Variants in RGL1 observed in about 807,000 individuals in gnomAD.
The protein encoded by RGL1 is ral guanine nucleotide dissociation stimulator-like 1.
Under a neutral mutation model 95.2 loss-of-function variants are expected in RGL1, and 24 were observed. The ratio of observed to expected loss-of-function variants is 0.25; its 90% CI spans 0.18 to 0.35. RGL1 has a LOEUF of 0.35. RGL1 is among the 10% of genes least tolerant of loss of function. The probability of loss-of-function intolerance (pLI) is 1.00; values close to 1 mark genes in which losing one functional copy is unlikely to be tolerated. For synonymous variants in RGL1, 329 were observed against 344.9 expected, an observed-to-expected ratio of 0.95 and a Z score of 0.51; for missense variants, 715 against 936.3, an observed-to-expected ratio of 0.76 and a Z score of 3.08.
rs998035996 is a variant in RGL1, at chr1:183,675,293, G to T, written c.-33+38792G>T. Among the ~76,000 whole-genome samples, 33 of 146,504 alleles carry T rather than the reference G, an allele frequency of 2.3e-4. 1 individual carries two copies. Among genetic ancestry groups the T allele is most frequent in the Admixed American group, 1.3e-3 (19 of 14,668 alleles). On this transcript the variant is annotated intron_variant, in intron 1 of 18. Transcript: ENST00000304685. ...ATAGGAAACATTTCAATTCTATATGGTTTTTTTTTTTCTCTTTGTTTTCTT... is the reference window on the plus strand; with the variant it reads ...ATAGGAAACATTTCAATTCTATATGTTTTTTTTTTTTCTCTTTGTTTTCTT...
chr1:183,689,641 G>A (rs945597119), intron 1 of RGL1, among the ~76,000 whole-genome samples: 16 of 152,168 alleles, frequency 1.1e-4, no homozygotes, highest in African/African-American at 3.4e-4. Flanking sequence ...TTGACATATA[G>A]TAAGAACTTA....
intron 2 of RGL1, among the ~76,000 whole-genome samples, chr1:183,773,109 C>T (rs113518188): frequency 6.6e-6 from 1 of 151,230 alleles, no homozygotes; most frequent in South Asian, 2.1e-4. Flanking sequence ...TCTCACAACA[C>T]CTAGCTCTTA....
chr1:183,915,414 T>A (rs145679825), intron 15 of RGL1, among the ~76,000 whole-genome samples: 87 of 152,366 alleles, frequency 5.7e-4, no homozygotes, highest in African/African-American at 2.0e-3. Flanking sequence ...TTCCAATAAC[T>A]TCTTTCTTTG....
rs781176996 is a variant in RGL1 at position 183,922,243 on chromosome 1, C to T, written c.2026C>T (p.Pro676Ser). 4.3e-6 allele frequency: 7 copies of T among 1,614,074 alleles called. No individual in the cohort carries two copies. Among genetic ancestry groups the T allele is most frequent in the Admixed American group, 3.3e-5 (2 of 60,010 alleles). Reference sequence around the variant, plus strand: ...GCAGTTGACGAGCCAGGATAAAACCCCCGCTGTGATCCAGAGAGCCATGCT... The same window carrying T: ...GCAGTTGACGAGCCAGGATAAAACCTCCGCTGTGATCCAGAGAGCCATGCT... Reference protein sequence around the residue: ...SIMLTSQDKTPAVIQRAMLKH... With the variant: ...SIMLTSQDKTSAVIQRAMLKH... Residue 676 changes from proline to serine, a missense_variant, in exon 17 of 18, where the codon CCC (proline) becomes TCC (serine). By Grantham distance (74) the Pro-to-Ser change is moderately conservative (BLOSUM62 -1). This residue lies in a region of RGL1 where 330 missense variants were observed against 429.6 expected (regional missense o/e 0.77). Transcript: ENST00000360851.
chr1:183,905,337 T>G (rs1020411332), intron 13 of RGL1, among the ~76,000 whole-genome samples: 16 of 152,224 alleles, frequency 1.1e-4, no homozygotes, highest in Non-Finnish European at 1.6e-4. Flanking sequence ...TCACTGTGTT[T>G]GTCATTCCTG....
At chr1:183,835,073 T>A (rs1663543445) in intron 2 of RGL1, among the ~76,000 whole-genome samples, 3 of 152,190 alleles carry the variant, frequency 2.0e-5, no homozygotes, top group Non-Finnish European at 4.4e-5. Flanking sequence ...GGATAAATAT[T>A]TTCTTTTCAA....
Position 183,846,715 on chromosome 1 carries a change from C to T in RGL1, c.139-851C>T, listed in dbSNP as rs773779837. Among the ~76,000 whole-genome samples the T allele has an allele frequency of 3.3e-5, 5 of 151,750 alleles. No individual in the cohort carries two copies. The East Asian group carries it at 7.8e-4, about 24-fold the overall frequency. On this transcript the variant is annotated intron_variant, in intron 2 of 17. Coordinates refer to ENST00000360851, the MANE Select transcript of RGL1 (RefSeq NM_001297671.3). ...GCCAACATGGTGAAAACCTGTCTCTCCTAAAAATGCAAAAATTAGTCGGGT... is the reference window on the plus strand; with the variant it reads ...GCCAACATGGTGAAAACCTGTCTCTTCTAAAAATGCAAAAATTAGTCGGGT...
At chr1:183,763,552 ACAGTATCTGG>A (rs943919718) in intron 2 of RGL1, among the ~76,000 whole-genome samples, 9 of 152,160 alleles carry the variant, frequency 5.9e-5, no homozygotes, top group African/African-American at 1.9e-4. Flanking sequence ...AATATTATTC[ACAGTATCTGG>A]CACATAGTGA....
At chr1:183,709,119 C>T (rs910647544) in intron 1 of RGL1, among the ~76,000 whole-genome samples, 13 of 152,144 alleles carry the variant, frequency 8.5e-5, no homozygotes, top group African/African-American at 2.9e-4. Flanking sequence ...GGTACCCGGA[C>T]GGCCTCTCTC....
chr1:183,700,108 C>T (rs1380083002), intron 1 of RGL1, among the ~76,000 whole-genome samples: 1 of 152,146 alleles, frequency 6.6e-6, no homozygotes, highest in African/African-American at 2.4e-5. Flanking sequence ...AATCCCTCTT[C>T]CCACTCCTAC....
At position 183,916,660 on chromosome 1, in the gene RGL1, A is replaced by G; in HGVS notation, c.1963A>G (p.Ser655Gly). 1 of 1,613,826 alleles carries G rather than the reference A, an allele frequency of 6.2e-7. No homozygotes were observed. The highest frequency in any genetic ancestry group is 8.5e-7 in the Non-Finnish European group (1 of 1,180,002). Residue 655 changes from serine (S) to glycine (G), a missense_variant, in exon 16 of 18, where the codon AGT (serine) becomes GGT (glycine). By Grantham distance (56) the Ser-to-Gly change is moderately conservative. This residue lies in a region of RGL1 where 330 missense variants were observed against 429.6 expected (regional missense o/e 0.77). Transcript: ENST00000360851. ...TGAAGACACCTGCATAATCCGCATCAGTGTGGAAGACAATAACGGCAACAT... is the reference window on the plus strand; with the variant it reads ...TGAAGACACCTGCATAATCCGCATCGGTGTGGAAGACAATAACGGCAACAT... Reference protein sequence around the residue: ...QNEDTCIIRISVEDNNGNMYK... With the variant: ...QNEDTCIIRIGVEDNNGNMYK...
intron 2 of RGL1, among the ~76,000 whole-genome samples, chr1:183,838,529 C>T (rs1486472594): frequency 6.6e-6 from 1 of 152,218 alleles, no homozygotes; most frequent in East Asian, 1.9e-4. Flanking sequence ...GCAAGGTCAA[C>T]TCTTGGGGCT....
At chr1:183,758,107 T>C (rs1425777183) in intron 2 of RGL1, among the ~76,000 whole-genome samples, 2 of 152,250 alleles carry the variant, frequency 1.3e-5, no homozygotes, top group African/African-American at 4.8e-5. Context: ...GTGGCTAGGC[T>C]TCTATCTCAG....
intron 2 of RGL1, among the ~76,000 whole-genome samples, chr1:183,813,804 C>T (rs1033156605): frequency 1.3e-5 from 2 of 152,192 alleles, no homozygotes; most frequent in Non-Finnish European, 2.9e-5. Context: ...TGCTAATTCT[C>T]ACTCCTTGTA....
chr1:183,822,889 A>T (rs1662588240), intron 2 of RGL1, among the ~76,000 whole-genome samples: 2 of 152,054 alleles, frequency 1.3e-5, no homozygotes, highest in African/African-American at 4.8e-5. Context: ...TAACTGGGCT[A>T]TTTTCCTGTT....
intron 1 of RGL1, among the ~76,000 whole-genome samples, chr1:183,685,145 A>G (rs1417632690): frequency 1.3e-5 from 2 of 150,992 alleles, no homozygotes; most frequent in Non-Finnish European, 2.9e-5. Flanking sequence ...AGTACAGAAC[A>G]TTCTACATTG....
chr1:183,908,013 CAAAA>C, intron 14 of RGL1, among the ~76,000 whole-genome samples: 1 of 151,820 alleles, frequency 6.6e-6, no homozygotes, highest in Middle Eastern at 3.4e-3. Context: ...CAAAACAAAA[CAAAA>C]CAACAACAAC....
chr1:183,742,431 CAAGT>C, intron 2 of RGL1: 2 of 901,862 alleles, frequency 2.2e-6, no homozygotes, highest in Non-Finnish European at 3.5e-6. Context: ...GACTGGAGAA[CAAGT>C]AAGTCAGGAG....
chr1:183,898,703 T>C (rs888818630), intron 10 of RGL1, among the ~76,000 whole-genome samples: 1 of 152,198 alleles, frequency 6.6e-6, no homozygotes, highest in Non-Finnish European at 1.5e-5. Context: ...AAAGACAAGC[T>C]AAAAATAGCT....
Sources: gnomAD v4.1 joint callset for allele counts (sites outside exome capture counted in the v4.1 genomes callset) on GRCh38, gnomAD v4.1.1 for gene constraint, gnomAD v4.1.1 regional missense constraint, MANE v1.5 for transcripts, NCBI Gene and HGNC (gene_info 2026-07-23, HGNC 2026-07-21) for gene names.